Variants in ARMC2 observed in about 807,000 individuals in gnomAD.
ARMC2 encodes armadillo repeat-containing protein 2.
Under a neutral mutation model 90.3 loss-of-function variants are expected in ARMC2, and 67 were observed. The observed-to-expected ratio is 0.74, with a 90% CI of 0.61 to 0.91. The LOEUF (loss-of-function observed/expected upper bound fraction) is 0.91, where lower values mean the gene tolerates loss of function less well. Among genes scored for constraint, ARMC2 ranks in the 40% least tolerant of loss-of-function variants. The pLI, the probability that ARMC2 is intolerant of heterozygous loss-of-function variation, is 0.00. For synonymous variants in ARMC2, 393 were observed against 393.0 expected (o/e 1.00, Z 0.00); for missense variants, 920 against 1,030.9 (o/e 0.89, Z 1.47).
chr6:108,874,363 A>G (rs944331648), intron 4 of ARMC2, among the ~76,000 whole-genome samples: 1 of 152,242 alleles, frequency 6.6e-6, no homozygotes, highest in African/African-American at 2.4e-5. Flanking sequence ...CACCTGGCAC[A>G]TAGTCGTGGG....
At chr6:108,919,476 C>A (rs931816249) in intron 10 of ARMC2, among the ~76,000 whole-genome samples, 2 of 152,056 alleles carry the variant, frequency 1.3e-5, no homozygotes, top group Non-Finnish European at 2.9e-5. Flanking sequence ...AAAATGGGAG[C>A]AAATAGCCCC....
chr6:108,890,331 A>T (rs1285655494), intron 5 of ARMC2, among the ~76,000 whole-genome samples: 1 of 150,540 alleles, frequency 6.6e-6, no homozygotes, highest in Non-Finnish European at 1.5e-5. Context: ...TGCTTAGACA[A>T]GTGATTACTG....
the ARMC2 span, chr6:108,994,753 A>T: frequency 0.025 from 16,348 of 648,204 alleles, 496 homozygotes; most frequent in African/African-American, 0.12. Context: ...CCCAGGCTGC[A>T]GTGCAGTGGC....
chr6:108,946,432 C>G (rs1016272033), intron 12 of ARMC2, among the ~76,000 whole-genome samples: 2 of 152,200 alleles, frequency 1.3e-5, no homozygotes, highest in African/African-American at 4.8e-5. Flanking sequence ...TAGGCAAACT[C>G]TTGACCCACT....
At chr6:108,879,304 C>T (rs1251064564) in intron 5 of ARMC2, among the ~76,000 whole-genome samples, 1 of 151,640 alleles carries the variant, frequency 6.6e-6, no homozygotes, top group Non-Finnish European at 1.5e-5. Context: ...ATCCATCCAT[C>T]TACCCATCCA....
the ARMC2 span, among the ~76,000 whole-genome samples, chr6:108,992,610 C>G: frequency 5.3e-5 from 8 of 152,248 alleles, no homozygotes; most frequent in East Asian, 1.5e-3. Context: ...TACATTGAAA[C>G]TACAGTATGA....
At chr6:108,917,686 C>T (rs571121866) in intron 10 of ARMC2, among the ~76,000 whole-genome samples, 8 of 152,102 alleles carry the variant, frequency 5.3e-5, no homozygotes, top group South Asian at 2.1e-4. Flanking sequence ...CTCACTCTGT[C>T]GCCCAGGCTG....
intron 5 of ARMC2, among the ~76,000 whole-genome samples, chr6:108,891,284 G>A (rs2128454524): frequency 6.6e-6 from 1 of 152,290 alleles, no homozygotes; most frequent in East Asian, 1.9e-4. Flanking sequence ...GGATCGCTGG[G>A]TCAAATGGTA....
At chr6:108,883,412 G>T (rs1479948093) in intron 5 of ARMC2, among the ~76,000 whole-genome samples, 1 of 151,908 alleles carries the variant, frequency 6.6e-6, no homozygotes, top group Admixed American at 6.6e-5. Flanking sequence ...GTACAGTAAT[G>T]ATTTTGTTTT....
chr6:108,997,262 C>T, the ARMC2 span, among the ~76,000 whole-genome samples: 22 of 152,246 alleles, frequency 1.4e-4, no homozygotes, highest in Non-Finnish European at 4.4e-5. Context: ...GAACTAGAAA[C>T]AATCAAGTAC....
At chr6:108,876,478 C>A in intron 5 of ARMC2, 128 bp downstream of exon 5, 1 of 890,462 alleles carries the variant, frequency 1.1e-6, no homozygotes, top group Non-Finnish European at 1.7e-6. Flanking sequence ...GTTAAGGGTA[C>A]ATGAATAGGA....
chr6:109,043,830 A>G, the ARMC2 span, among the ~76,000 whole-genome samples: 2 of 152,208 alleles, frequency 1.3e-5, no homozygotes, highest in Admixed American at 6.5e-5. Flanking sequence ...TGTAAATGTC[A>G]ACAAACTGAT....
chr6:109,020,159 T>C, the ARMC2 span, among the ~76,000 whole-genome samples: 2 of 152,206 alleles, frequency 1.3e-5, no homozygotes, highest in Non-Finnish European at 1.5e-5. Flanking sequence ...CTGCTCCAGA[T>C]ACCGGTGAGG....
intron 11 of ARMC2, among the ~76,000 whole-genome samples, chr6:108,934,861 A>G (rs1775831727): frequency 6.6e-6 from 1 of 152,058 alleles, no homozygotes; most frequent in African/African-American, 2.4e-5. Flanking sequence ...TATTTTTCCT[A>G]TTTAACAGAT....
At chr6:109,000,224 G>A in the ARMC2 span, 3 of 262,930 alleles carry the variant, frequency 1.1e-5, no homozygotes, top group South Asian at 1.6e-4. Context: ...TAATGGATGC[G>A]TGACATTAGG....
chr6:109,024,304 T>C, the ARMC2 span, among the ~76,000 whole-genome samples: 1 of 152,132 alleles, frequency 6.6e-6, no homozygotes. Context: ...GGGACTACCA[T>C]TAAACTGATA....
At chr6:108,962,657 C>T (rs1778080040) in intron 15 of ARMC2, among the ~76,000 whole-genome samples, 3 of 152,162 alleles carry the variant, frequency 2.0e-5, no homozygotes, top group Non-Finnish European at 2.9e-5. Context: ...CAGGTATTCA[C>T]GTAGTGATGC....
chr6:108,988,594 A>G, the ARMC2 span: 1 of 1,613,300 alleles, frequency 6.2e-7, no homozygotes, highest in East Asian at 2.2e-5. Flanking sequence ...TTCTTTTGGT[A>G]ACCTTTTCAG....
At chr6:108,998,546 A>G in the ARMC2 span, 1 of 1,613,960 alleles carries the variant, frequency 6.2e-7, no homozygotes, top group African/African-American at 1.3e-5. Context: ...CCGGCATCTC[A>G]TCCACACTGT....
Sources: allele counts gnomAD v4.1 joint callset (sites outside exome capture counted in the v4.1 genomes callset), GRCh38; gene constraint gnomAD v4.1.1; transcripts MANE v1.5; gene names NCBI Gene and HGNC (gene_info 2026-07-23, HGNC 2026-07-21).